The following IBTK variants were observed in gnomAD, a reference collection of about 807,000 sequenced individuals.
The protein encoded by IBTK is BTK-binding protein.
IBTK carries 83 observed loss-of-function variants against 154.9 expected under a neutral mutation model. The observed-to-expected ratio is 0.54, with a 90% CI of 0.45 to 0.64. The LOEUF (loss-of-function observed/expected upper bound fraction) is 0.64, where lower values mean the gene tolerates loss of function less well. Among genes scored for constraint, IBTK ranks in the 30% least tolerant of loss-of-function variants. The pLI is 0.00. For synonymous variants in IBTK, 515 were observed against 536.1 expected (o/e 0.96, Z 0.54); for missense variants, 1,332 against 1,584.6 (o/e 0.84, Z 2.71).
At chr6:82,174,655 A>G (rs1242662404) in intron 26 of IBTK, among the ~76,000 whole-genome samples, 2 of 152,192 alleles carry the variant, frequency 1.3e-5, no homozygotes, top group African/African-American at 4.8e-5. Context: ...TAAAATGTTT[A>G]GCCCTAATGT....
intron 16 of IBTK, 199 bp from the exon 17 acceptor site, chr6:82,205,157 A>C (rs1769353371): frequency 2.7e-6 from 1 of 371,896 alleles, no homozygotes; most frequent in Non-Finnish European, 4.8e-6. Context: ...AATACATCAA[A>C]ATATATTTCT....
At chr6:82,203,850 C>T (rs1239728738) in intron 17 of IBTK, among the ~76,000 whole-genome samples, 2 of 152,060 alleles carry the variant, frequency 1.3e-5, no homozygotes, top group Non-Finnish European at 2.9e-5. Flanking sequence ...GAGATCAGGG[C>T]TGTTGTTCTC....
At chr6:82,217,120 G>A (rs1292736942) in intron 10 of IBTK, among the ~76,000 whole-genome samples, 7 of 152,136 alleles carry the variant, frequency 4.6e-5, no homozygotes, top group Non-Finnish European at 7.4e-5. Flanking sequence ...ATTAATTCTA[G>A]TGTAAGGGAA....
chr6:82,178,061 G>T (rs1347748769), intron 26 of IBTK, among the ~76,000 whole-genome samples: 1 of 152,010 alleles, frequency 6.6e-6, no homozygotes, highest in Admixed American at 6.6e-5. Context: ...TTTTAAAAAA[G>T]CATACTTATT....
Position 82,217,883 on chromosome 6 carries a change from T to C in IBTK, c.1426+77A>G. 2 of 946,220 alleles carry C rather than the reference T, an allele frequency of 2.1e-6. 1 individual carries two copies. Among genetic ancestry groups the C allele is most frequent in the South Asian group, 4.2e-5 (2 of 47,570 alleles). The allele number at this position is 946,220 out of a possible 1,614,324, so 58.6% of individuals were successfully genotyped here. ...TAAAAGTAAAACCTAATAACACTTG[T>C]CAGTTGAACCTAATACTTGTCAAAT... On this transcript the variant is annotated intron_variant, in intron 10 of 28. Transcript: ENST00000306270.
intron 22 of IBTK, among the ~76,000 whole-genome samples, chr6:82,195,268 C>T (rs1160504166): frequency 6.6e-6 from 1 of 152,012 alleles, no homozygotes; most frequent in South Asian, 2.1e-4. Context: ...AAACTTCTAT[C>T]CTATATTTTA....
At position 82,223,492 on chromosome 6, in the gene IBTK, T is replaced by A; in HGVS notation, c.1072A>T (p.Arg358Trp). Residue 358 changes from arginine (R) to tryptophan (W), a missense_variant, in exon 8 of 29, where the codon AGG (arginine) becomes TGG (tryptophan). Physicochemically the swap from Arg to Trp is moderately radical, Grantham distance 101. Transcript: ENST00000306270. Reference protein sequence around the residue: ...SDGATVCVTTRGDIYLLADYQ... With the variant: ...SDGATVCVTTWGDIYLLADYQ... ...TCTGCAAGTAAGTAAATATCTCCCCTTGTGGTAACACAGACTGTAGCTCCA... is the reference window on the plus strand; with the variant it reads ...TCTGCAAGTAAGTAAATATCTCCCCATGTGGTAACACAGACTGTAGCTCCA... 2 of 1,614,110 alleles carry A rather than the reference T, an allele frequency of 1.2e-6. No homozygotes were observed. Among genetic ancestry groups the A allele is most frequent in the Admixed American group, 1.7e-5 (1 of 60,018 alleles).
intron 26 of IBTK, among the ~76,000 whole-genome samples, chr6:82,180,115 T>C (rs182823627): frequency 2.0e-5 from 3 of 152,022 alleles, no homozygotes; most frequent in African/African-American, 7.2e-5. Context: ...AAATGTTTGA[T>C]AGACAATTTT....
chr6:82,188,943 T>C lies in IBTK; in HGVS notation c.3575+2130A>G, dbSNP rs147620332. ...TATTCAGGAGGCTGAGACAGAAGAA[T>C]CGCTTGAACCTAGGAGGCGGAGGTT... On this transcript the variant is annotated intron_variant, in intron 25 of 28. Transcript: ENST00000306270. 4.0e-3 allele frequency: 1,525 copies of C among 377,992 alleles called. 22 individuals are homozygous for C. Among genetic ancestry groups the C allele is most frequent in the African/African-American group, 0.031 (1,413 of 45,264 alleles). 23.4% of individuals were successfully genotyped at this position (377,992 alleles called of 1,614,324 possible). A position where few individuals can be genotyped will look rare whatever the true frequency, so the allele number is the denominator to read the frequency against.
chr6:82,191,417 T>A (rs1768764640), intron 24 of IBTK: 1 of 580,938 alleles, frequency 1.7e-6, no homozygotes, highest in Non-Finnish European at 3.0e-6. Context: ...AATGAAAATA[T>A]CAGTTTATAC....
chr6:82,219,827 T>C (rs1770025996), intron 9 of IBTK, among the ~76,000 whole-genome samples: 1 of 152,148 alleles, frequency 6.6e-6, no homozygotes, highest in South Asian at 2.1e-4. Context: ...ACATATATTA[T>C]AATGCATACA....
At chr6:82,223,945 T>A (rs1370438680) in intron 7 of IBTK, 123 bp downstream of exon 7, 2 of 668,154 alleles carry the variant, frequency 3.0e-6, no homozygotes, top group Non-Finnish European at 5.1e-6. Flanking sequence ...TGAGACTTTG[T>A]CTCAAACAAA....
chr6:82,175,804 C>T (rs1397874218), intron 26 of IBTK, among the ~76,000 whole-genome samples: 4 of 151,744 alleles, frequency 2.6e-5, no homozygotes, highest in Admixed American at 6.6e-5. Flanking sequence ...CCGAGGCAGG[C>T]GGATCACCTG....
intron 2 of IBTK, among the ~76,000 whole-genome samples, chr6:82,237,117 C>A (rs1332756412): frequency 6.6e-6 from 1 of 152,070 alleles, no homozygotes; most frequent in Non-Finnish European, 1.5e-5. Context: ...CAGTCCAGAC[C>A]ATAACTATTT....
intron 4 of IBTK, among the ~76,000 whole-genome samples, chr6:82,228,000 T>G (rs1181350162): frequency 6.6e-6 from 1 of 152,050 alleles, no homozygotes; most frequent in East Asian, 1.9e-4. Context: ...ACAGTTGAAC[T>G]GCCTCAGCAG....
At chr6:82,212,669 TCC>T (rs779867490) in intron 13 of IBTK, 36 bp downstream of exon 13, 1 of 1,363,028 alleles carries the variant, frequency 7.3e-7, no homozygotes, top group Admixed American at 1.7e-5. Flanking sequence ...AGTGCCAAAA[TCC>T]AGACATGAAA....
chr6:82,182,036 A>G lies in IBTK; in HGVS notation c.3576-8T>C. The G allele has an allele frequency of 6.3e-7, 1 of 1,587,934 alleles. No individual in the cohort carries two copies. The highest frequency in any genetic ancestry group is 8.5e-7 in the Non-Finnish European group (1 of 1,174,476). Reference sequence around the variant, plus strand: ...GAATGCAGAGAAGATGCCCTGCAAAAGAAAGCAAAGATCATGTTAAAACAT... The same window carrying G: ...GAATGCAGAGAAGATGCCCTGCAAAGGAAAGCAAAGATCATGTTAAAACAT... On this transcript the variant is annotated splice_region_variant and splice_polypyrimidine_tract_variant and intron_variant, in intron 25 of 28. Coordinates refer to ENST00000306270, the MANE Select transcript of IBTK (RefSeq NM_015525.4).
chr6:82,227,747 A>T (rs1770347239), intron 4 of IBTK, among the ~76,000 whole-genome samples: 1 of 152,120 alleles, frequency 6.6e-6, no homozygotes, highest in African/African-American at 2.4e-5. Context: ...GTGTTTTCAA[A>T]AAACAATAAA....
intron 25 of IBTK, among the ~76,000 whole-genome samples, chr6:82,183,312 A>ATG (rs1768384688): frequency 6.6e-6 from 1 of 152,124 alleles, no homozygotes; most frequent in Non-Finnish European, 1.5e-5. Flanking sequence ...CAGGAGGCTG[A>ATG]GGCATGAGAA....
Sources: gnomAD v4.1 joint callset for allele counts (sites outside exome capture counted in the v4.1 genomes callset) on GRCh38, gnomAD v4.1.1 for gene constraint, MANE v1.5 for transcripts, NCBI Gene and HGNC (gene_info 2026-07-23, HGNC 2026-07-21) for gene names.